The following SLC4A4 variants were observed in gnomAD, a reference collection of about 807,000 sequenced individuals.
SLC4A4 encodes the protein solute carrier family 4 member 4.
In SLC4A4, 27 loss-of-function variants were observed where a neutral mutation model predicts 111.5. The observed-to-expected ratio is 0.24, with a 90% confidence interval of 0.18 to 0.33. The LOEUF (loss-of-function observed/expected upper bound fraction) is 0.33, where lower values mean the gene tolerates loss of function less well. Ranked by LOEUF, SLC4A4 falls within the 10% of genes least tolerant of loss-of-function variation. SLC4A4 has a pLI of 1.00. For missense variants in SLC4A4, 909 were observed against 1,315.5 expected (o/e 0.69, Z 4.78); for synonymous variants, 443 against 463.4 (o/e 0.96, Z 0.57).
At chr4:71,242,831 T>C (rs1720359809) in intron 2 of SLC4A4, among the ~76,000 whole-genome samples, 1 of 152,180 alleles carries the variant, frequency 6.6e-6, no homozygotes, top group Admixed American at 6.5e-5. Context: ...GTTTACTTGC[T>C]TAATTCATTT....
At chr4:71,077,200 AC>A (rs1279372244) in intron 1 of SLC4A4, among the ~76,000 whole-genome samples, 2 of 149,946 alleles carry the variant, frequency 1.3e-5, no homozygotes, top group African/African-American at 4.9e-5. Context: ...TCGCTCTGTC[AC>A]CCAGGCTGGA....
intron 1 of SLC4A4, among the ~76,000 whole-genome samples, chr4:71,202,619 C>T (rs1746311274): frequency 6.6e-6 from 1 of 152,058 alleles, no homozygotes; most frequent in Admixed American, 6.6e-5. Context: ...TAATACAACA[C>T]CTTCTTTGAA....
intron 1 of SLC4A4, among the ~76,000 whole-genome samples, chr4:71,204,838 C>T (rs1449511700): frequency 6.6e-6 from 1 of 152,102 alleles, no homozygotes; most frequent in Non-Finnish European, 1.5e-5. Context: ...CACTGTATGA[C>T]ATATATTGAG....
intron 7 of SLC4A4, among the ~76,000 whole-genome samples, chr4:71,400,864 G>GA (rs909501965): frequency 8.0e-5 from 12 of 149,960 alleles, no homozygotes; most frequent in Middle Eastern, 3.4e-3. Flanking sequence ...GGACAGGAAA[G>GA]AAAAAAAAAG....
chr4:71,532,128 C>G lies in SLC4A4; in HGVS notation c.2233C>G (p.Leu745Val). 3 of 1,613,030 alleles carry G rather than the reference C, an allele frequency of 1.9e-6. No homozygotes were observed. Among genetic ancestry groups the G allele is most frequent in the Non-Finnish European group, 2.5e-6 (3 of 1,179,232 alleles). The stretch of plus-strand genomic sequence containing the variant: ...TCTCATCTTTTGTGTAATAGATGCC[C>G]TAGTAGGCGTGGACACCCCAAAACT... ...SILIFCVIDALVGVDTPKLIV... is the reference protein window; with the variant it reads ...SILIFCVIDAVVGVDTPKLIV... The change falls in exon 17 of 26, where the codon CTA (leucine) becomes GTA (valine). Residue 745 changes from leucine (L) to valine (V), a missense_variant. Around this residue, in one of 7 missense-constraint regions of SLC4A4, gnomAD observed 264 missense variants for 356.8 expected, o/e 0.74. Coordinates refer to ENST00000264485, the MANE Select transcript of SLC4A4 (RefSeq NM_001098484.3).
At chr4:71,512,674 A>G (rs1194506887) in intron 16 of SLC4A4, among the ~76,000 whole-genome samples, 4 of 152,028 alleles carry the variant, frequency 2.6e-5, no homozygotes, top group African/African-American at 4.8e-5. Flanking sequence ...TTGGTTGCCA[A>G]TGAATTTCAG....
At chr4:71,130,766 C>T (rs1446545726) in intron 2 of SLC4A4, among the ~76,000 whole-genome samples, 1 of 151,998 alleles carries the variant, frequency 6.6e-6, no homozygotes, top group Non-Finnish European at 1.5e-5. Flanking sequence ...CTTTTGTATC[C>T]CTCACTGCAC....
intron 7 of SLC4A4, among the ~76,000 whole-genome samples, chr4:71,404,733 A>G (rs1720681473): frequency 6.6e-6 from 1 of 152,182 alleles, no homozygotes; most frequent in Non-Finnish European, 1.5e-5. Context: ...ATACCTTGTG[A>G]TGAACACTCT....
intron 2 of SLC4A4, among the ~76,000 whole-genome samples, chr4:71,170,488 A>G (rs1744904594): frequency 6.6e-6 from 1 of 152,254 alleles, no homozygotes; most frequent in Non-Finnish European, 1.5e-5. Context: ...GTCACAGAAG[A>G]ATTAAAACTT....
intron 2 of SLC4A4, among the ~76,000 whole-genome samples, chr4:71,143,232 A>G (rs1744062081): frequency 6.6e-6 from 1 of 151,892 alleles, no homozygotes; most frequent in Admixed American, 6.6e-5. Flanking sequence ...GTTTGCTGAG[A>G]GTGATGGTTT....
At chr4:71,347,357 C>T (rs1325773122) in intron 4 of SLC4A4, among the ~76,000 whole-genome samples, 5 of 152,098 alleles carry the variant, frequency 3.3e-5, no homozygotes, top group Non-Finnish European at 7.4e-5. Flanking sequence ...ATACCATAGA[C>T]TGGGTAGCTT....
intron 2 of SLC4A4, among the ~76,000 whole-genome samples, chr4:71,138,602 T>A (rs139794641): frequency 2.6e-5 from 4 of 152,332 alleles, no homozygotes; most frequent in African/African-American, 9.6e-5. Context: ...TCACAGATTA[T>A]CCAAACACCA....
intron 3 of SLC4A4, among the ~76,000 whole-genome samples, chr4:71,279,346 G>A (rs1229251773): frequency 6.6e-6 from 1 of 151,920 alleles, no homozygotes; most frequent in East Asian, 1.9e-4. Flanking sequence ...AGGAATATTT[G>A]TCTTTGTGCC....
chr4:71,562,547 G>C (rs1737086852), intron 23 of SLC4A4, among the ~76,000 whole-genome samples: 2 of 151,092 alleles, frequency 1.3e-5, no homozygotes, highest in South Asian at 2.1e-4. Flanking sequence ...TTTAAAATTT[G>C]TTTTATCAGA....
intron 8 of SLC4A4, among the ~76,000 whole-genome samples, chr4:71,441,753 G>T (rs1724736220): frequency 6.6e-6 from 1 of 152,106 alleles, no homozygotes; most frequent in African/African-American, 2.4e-5. Flanking sequence ...TTCATAGATT[G>T]CAGGCTATTC....
At chr4:71,394,567 G>A (rs2148973239) in intron 6 of SLC4A4, among the ~76,000 whole-genome samples, 1 of 152,256 alleles carries the variant, frequency 6.6e-6, no homozygotes, top group Middle Eastern at 3.4e-3. Flanking sequence ...ATGTAAACTA[G>A]TACAGCTGCT....
At chr4:71,292,841 TG>T (rs371281985) in intron 3 of SLC4A4, among the ~76,000 whole-genome samples, 2,747 of 137,452 alleles carry the variant, frequency 0.02, 227 homozygotes, top group African/African-American at 0.077. Flanking sequence ...TGGTTTTTTT[TG>T]TTTTTTTTTT....
intron 11 of SLC4A4, among the ~76,000 whole-genome samples, chr4:71,452,370 A>G (rs746997018): frequency 5.3e-4 from 80 of 152,150 alleles, no homozygotes; most frequent in Admixed American, 3.2e-3. Context: ...TTTAATTTTT[A>G]ATTTAATCAG....
chr4:71,143,390 A>T (rs1260010928), intron 2 of SLC4A4, among the ~76,000 whole-genome samples: 1 of 152,166 alleles, frequency 6.6e-6, no homozygotes, highest in African/African-American at 2.4e-5. Context: ...GCTATTGTGA[A>T]TAGTGCCGCA....
Sources: allele counts gnomAD v4.1 joint callset (sites outside exome capture counted in the v4.1 genomes callset), GRCh38; gene constraint gnomAD v4.1.1; regional missense constraint gnomAD v4.1.1; transcripts MANE v1.5; gene names NCBI Gene and HGNC (gene_info 2026-07-23, HGNC 2026-07-21).